The following NOBOX variants were observed in gnomAD, a reference collection of about 807,000 sequenced individuals.
NOBOX encodes NOBOX oogenesis homeobox, also known as homeobox protein NOBOX.
In NOBOX, 46 loss-of-function variants were observed where a neutral mutation model predicts 60.2. That is an observed-to-expected ratio of 0.76 (90% CI 0.60 to 0.98). NOBOX has a LOEUF of 0.98. Ranked by LOEUF, NOBOX falls within the 50% of genes least tolerant of loss-of-function variation. The pLI is 0.00. For missense variants in NOBOX, 880 were observed against 865.5 expected, an observed-to-expected ratio of 1.02 and a Z score of -0.21; for synonymous variants, 360 against 346.3, an observed-to-expected ratio of 1.04 and a Z score of -0.44.
chr7:144,399,022 A>G lies in NOBOX; in HGVS notation c.1397T>C (p.Met466Thr). ...GCCAGCAACATCCATCAGCAGTGGC[A>G]TCAGTTGGGGGGTGTGGACAGGGCC... Residue 466 changes from methionine (M) to threonine (T), a missense_variant, in exon 8 of 10, where the codon ATG (methionine) becomes ACG (threonine). Transcript: ENST00000467773. 1 of 1,593,588 alleles carries G rather than the reference A, an allele frequency of 6.3e-7. No individual in the cohort carries two copies. Among genetic ancestry groups the G allele is most frequent in the Non-Finnish European group, 8.5e-7 (1 of 1,170,626 alleles).
chr7:144,405,282 A>G (rs1278472435), intron 1 of NOBOX, among the ~76,000 whole-genome samples: 1 of 152,158 alleles, frequency 6.6e-6, no homozygotes, highest in Non-Finnish European at 1.5e-5. Context: ...GTGAGCAAGC[A>G]GTTGTGGGGC....
intron 8 of NOBOX, among the ~76,000 whole-genome samples, 167 bp downstream of exon 6, chr7:144,398,783 C>T (rs1387816971): frequency 6.6e-6 from 1 of 152,036 alleles, no homozygotes; most frequent in Non-Finnish European, 1.5e-5. Context: ...TTGCTGTGAT[C>T]CCCTAGGTCA....
intron 2 of NOBOX, among the ~76,000 whole-genome samples, chr7:144,402,843 GC>G (rs1338499806): frequency 1.4e-5 from 2 of 140,126 alleles, no homozygotes; most frequent in South Asian, 4.5e-4. Flanking sequence ...TGCAACCTTG[GC>G]CCCCTGGGTT....
In NOBOX at chr7:144,397,252, G is replaced by C; in HGVS notation, c.2064C>G (p.Ser688Arg). 1 of 1,532,316 alleles carries C rather than the reference G, an allele frequency of 6.5e-7. No homozygotes were observed. The highest frequency in any genetic ancestry group is 8.7e-7 in the Non-Finnish European group (1 of 1,143,054). The allele number at this position is 1,532,316 out of a possible 1,614,324, so 94.9% of individuals were successfully genotyped here. ...TTTGACCCCCCAACTAGGGGACATG[G>C]CTATTCTTGTCATCCCCTCTGGCCT... The change falls in exon 10 of 10, where the codon AGC becomes AGG. Residue 688 changes from serine to arginine, a missense_variant. Physicochemically the swap from Ser to Arg is moderately radical, Grantham distance 110. Transcript: ENST00000467773.
chr7:144,396,982 A>T (rs183513367), downstream of NOBOX, among the ~76,000 whole-genome samples: 223 of 152,272 alleles, frequency 1.5e-3, 1 homozygote, highest in African/African-American at 5.1e-3. Flanking sequence ...ACAAACAAAA[A>T]CACCTGATAC....
chr7:144,404,700 T>TA (rs768308740), intron 1 of NOBOX: 1 of 1,612,030 alleles, frequency 6.2e-7, no homozygotes, highest in South Asian at 1.1e-5. Context: ...ACGGTGTGGT[T>TA]ACTGTGTTTC....
chr7:144,403,049 G>C (rs557884970), intron 2 of NOBOX, among the ~76,000 whole-genome samples: 2 of 152,130 alleles, frequency 1.3e-5, no homozygotes, highest in East Asian at 1.9e-4. Context: ...GAGCCACTGC[G>C]CCTGACCCTA....
downstream of NOBOX, chr7:144,397,136 G>T: frequency 2.0e-6 from 2 of 977,908 alleles, no homozygotes; most frequent in Non-Finnish European, 2.9e-6. Flanking sequence ...TCTCCCCTCA[G>T]TCTACAGAGT....
In NOBOX at chr7:144,401,902, G is replaced by T. The variant is rs1425659233; in HGVS notation, c.259C>A (p.Pro87Thr). Reference sequence around the variant, plus strand: ...AGTTCCCTTTTCCCAGACACCAGGGGTATGAGTTTGAGGGACTGTTCAGGT... The same window carrying T: ...AGTTCCCTTTTCCCAGACACCAGGGTTATGAGTTTGAGGGACTGTTCAGGT... Residue 87 changes from proline (P) to threonine (T), a missense_variant, in exon 3 of 10, where the codon CCC (proline) becomes ACC (threonine). Pro to Thr is a conservative substitution (Grantham distance 38). Transcript: ENST00000467773. This position sits in a 1 kb window ranked among gnomAD's most constrained non-coding sequence, Gnocchi z 4.2. The T allele has an allele frequency of 1.2e-6, 2 of 1,612,722 alleles. No individual in the cohort carries two copies. The highest frequency in any genetic ancestry group is 2.2e-5 in the East Asian group (1 of 44,860).
Position 144,401,445 on chromosome 7 carries a change from C to T in NOBOX, c.445G>A (p.Glu149Lys). The T allele has an allele frequency of 2.5e-6, 4 of 1,599,224 alleles. No individual in the cohort carries two copies. Among genetic ancestry groups the T allele is most frequent in the Non-Finnish European group, 3.4e-6 (4 of 1,172,986 alleles). ...CTCCCAGCATCAGCCCCGGTGGCTTCTCCAGAGACTGCTGGCGGCTTCTTC... is the reference window on the plus strand; with the variant it reads ...CTCCCAGCATCAGCCCCGGTGGCTTTTCCAGAGACTGCTGGCGGCTTCTTC... Residue 149 changes from glutamate to lysine, a missense_variant, in exon 4 of 10, where the codon GAA becomes AAA. Coordinates refer to ENST00000467773, the MANE Select transcript of NOBOX (RefSeq NM_001080413.3). This position sits in a 1 kb window ranked among gnomAD's most constrained non-coding sequence, Gnocchi z 4.2.
At chr7:144,399,985 C>A in intron 5 of NOBOX, 122 bp from the exon 4 acceptor site, 1 of 1,285,954 alleles carries the variant, frequency 7.8e-7, no homozygotes. Context: ...TGCTTCTGAG[C>A]CCTCCGTCAG....
chr7:144,401,830 G>T lies in NOBOX; in HGVS notation c.292+39C>A. The T allele has an allele frequency of 7.3e-7, 1 of 1,375,066 alleles. No homozygotes were observed. The highest frequency in any genetic ancestry group is 1.0e-6 in the Non-Finnish European group (1 of 969,646). 85.2% of individuals were successfully genotyped at this position (1,375,066 alleles called of 1,614,324 possible). On this transcript the variant is annotated intron_variant, in intron 3 of 9. Transcript: ENST00000467773. This position sits in a 1 kb window ranked among gnomAD's most constrained non-coding sequence, Gnocchi z 4.2. Reference sequence around the variant, plus strand: ...GACAAATTTATGCAATTCTGAGACGGCGTTAGCTCATGGTATCTCCTAATT... The same window carrying T: ...GACAAATTTATGCAATTCTGAGACGTCGTTAGCTCATGGTATCTCCTAATT...
In NOBOX at chr7:144,401,426, G is replaced by A; in HGVS notation, c.464C>T (p.Ala155Val). The change falls in exon 4 of 10, where the codon GCT (alanine) becomes GTT (valine). Residue 155 changes from alanine to valine, a missense_variant. Coordinates refer to ENST00000467773, the MANE Select transcript of NOBOX (RefSeq NM_001080413.3). The surrounding 1 kb of genome is among the most constrained non-coding windows in gnomAD (Gnocchi z 4.2). ...GCGGGGGGGCGGGCACAGTCTCCCA[G>A]CATCAGCCCCGGTGGCTTCTCCAGA... 6.2e-7 allele frequency: 1 copy of A among 1,610,166 alleles called. No individual in the cohort carries two copies. Among genetic ancestry groups the A allele is most frequent in the Non-Finnish European group, 8.5e-7 (1 of 1,177,906 alleles).
At chr7:144,402,646 C>T (rs1224904509) in intron 2 of NOBOX, among the ~76,000 whole-genome samples, 1 of 151,602 alleles carries the variant, frequency 6.6e-6, no homozygotes, top group East Asian at 1.9e-4. Flanking sequence ...GCTGCTTTAT[C>T]ATTTCCAACT....
Position 144,402,788 on chromosome 7 carries a change from G to A in NOBOX, c.211-838C>T, listed in dbSNP as rs556121458. Among the ~76,000 whole-genome samples, 15 of 113,590 alleles carry A rather than the reference G, an allele frequency of 1.3e-4. No individual in the cohort carries two copies. In the East Asian group the frequency reaches 2.1e-3, roughly 16 times the overall value. 74.5% of individuals were successfully genotyped at this position (113,590 alleles called of 152,430 possible). Reference sequence around the variant, plus strand: ...TTTTTTTTTTTTGAGATGGAGTCTCGCTCCGTCGCCCAGGCTGCAGTGACA... The same window carrying A: ...TTTTTTTTTTTTGAGATGGAGTCTCACTCCGTCGCCCAGGCTGCAGTGACA... On this transcript the variant is annotated intron_variant, in intron 2 of 9. Coordinates refer to ENST00000467773, the MANE Select transcript of NOBOX (RefSeq NM_001080413.3).
chr7:144,401,595 G>C lies in NOBOX; in HGVS notation c.295C>G (p.Gln99Glu). Residue 99 changes from glutamine to glutamate, a missense_variant and splice_region_variant, in exon 4 of 10, where the codon CAG becomes GAG. By Grantham distance (29) the Gln-to-Glu change is conservative (BLOSUM62 2). Coordinates refer to ENST00000467773, the MANE Select transcript of NOBOX (RefSeq NM_001080413.3). The surrounding 1 kb of genome is among the most constrained non-coding windows in gnomAD (Gnocchi z 4.2). ...GCCAGGGGCTTCTCTCCAGCTTTCT[G>C]GCCTGTGGGGAGCCAACATCCACTG... 1 of 1,503,360 alleles carries C rather than the reference G, an allele frequency of 6.7e-7. No homozygotes were observed. The highest frequency in any genetic ancestry group is 8.8e-7 in the Non-Finnish European group (1 of 1,134,168). The allele number at this position is 1,503,360 out of a possible 1,614,324, so 93.1% of individuals were successfully genotyped here. A position where few individuals can be genotyped will look rare whatever the true frequency, so the allele number is the denominator to read the frequency against.
At position 144,398,935 on chromosome 7, in the gene NOBOX, C is replaced by G. The variant is rs2053914930; in HGVS notation, c.1469+15G>C. ...CCCAGATAACTAGAGTGACCTACCC[C>G]CGTAGGTTCCTTACCTTGTCCCCCA... On this transcript the variant is annotated intron_variant, in intron 8 of 9. Transcript: ENST00000467773. The G allele has an allele frequency of 1.4e-6, 2 of 1,434,794 alleles. No homozygotes were observed. The highest frequency in any genetic ancestry group is 1.9e-6 in the Non-Finnish European group (2 of 1,040,080). The allele number at this position is 1,434,794 out of a possible 1,614,324, so 88.9% of individuals were successfully genotyped here. A position where few individuals can be genotyped will look rare whatever the true frequency, so the allele number is the denominator to read the frequency against.
chr7:144,407,858 G>A (rs917439463), intron 1 of NOBOX, among the ~76,000 whole-genome samples: 2 of 152,212 alleles, frequency 1.3e-5, no homozygotes, highest in Non-Finnish European at 2.9e-5. Flanking sequence ...CAAGAATGGT[G>A]ACTGTGTTTT....
chr7:144,410,071 G>A (rs2054011199), intron 1 of NOBOX: 1 of 992,346 alleles, frequency 1.0e-6, no homozygotes. Context: ...CAGTGTATGG[G>A]AAGACAACTC....
Sources: gnomAD v4.1 joint callset for allele counts (sites outside exome capture counted in the v4.1 genomes callset) on GRCh38, gnomAD v4.1.1 for gene constraint, Gnocchi (gnomAD v3.1) non-coding constraint, MANE v1.5 for transcripts, NCBI Gene and HGNC (gene_info 2026-07-23, HGNC 2026-07-21) for gene names.